Variants in PBX1 observed in about 807,000 individuals in gnomAD.
The protein encoded by PBX1 is PBX homeobox 1.
PBX1 carries 6 observed loss-of-function variants against 53.4 expected under a neutral mutation model. The observed-to-expected ratio is 0.11, with a 90% confidence interval of 0.06 to 0.22. PBX1 has a LOEUF of 0.22. PBX1 is among the 10% of genes least tolerant of loss of function. The pLI, the probability that PBX1 is intolerant of heterozygous loss-of-function variation, is 1.00. For synonymous variants in PBX1, 204 were observed against 212.3 expected (o/e 0.96, Z 0.34); for missense variants, 251 against 551.4 (o/e 0.46, Z 5.46).
chr1:164,622,646 T>A (rs1329349636), intron 2 of PBX1, among the ~76,000 whole-genome samples: 1 of 152,192 alleles, frequency 6.6e-6, no homozygotes, highest in Non-Finnish European at 1.5e-5. Context: ...AGCACTTCAT[T>A]ATCTTCTTGT....
At chr1:164,857,271 C>T (rs1671999056) in intron 2 of PBX1, among the ~76,000 whole-genome samples, 1 of 152,230 alleles carries the variant, frequency 6.6e-6, no homozygotes, top group South Asian at 2.1e-4. Flanking sequence ...ACTTTGCTTC[C>T]ATTTAGCAGT....
At chr1:164,578,823 G>C (rs1018268441) in intron 2 of PBX1, among the ~76,000 whole-genome samples, 1 of 152,160 alleles carries the variant, frequency 6.6e-6, no homozygotes, top group Non-Finnish European at 1.5e-5. Context: ...TTCTATGTTT[G>C]AGTCCTTGCA....
intron 2 of PBX1, among the ~76,000 whole-genome samples, chr1:164,691,820 C>A (rs1662505721): frequency 6.6e-6 from 1 of 152,150 alleles, no homozygotes; most frequent in Admixed American, 6.5e-5. Flanking sequence ...GCTCCCAAAT[C>A]TGAGAATTTT....
intron 2 of PBX1, chr1:164,576,835 G>A (rs1446453515): frequency 6.6e-6 from 1 of 152,298 alleles, no homozygotes; most frequent in Non-Finnish European, 1.5e-5. Context: ...GGGTGCCTGC[G>A]GTCTGTTCCC....
chr1:164,856,115 T>C (rs1361302), downstream of PBX1, among the ~76,000 whole-genome samples: 3,210 of 152,302 alleles, frequency 0.021, 134 homozygotes, highest in African/African-American at 0.071. Flanking sequence ...TTTGTCTCAA[T>C]TGGAGTCAAG....
At chr1:164,677,801 G>A (rs1661523948) in intron 2 of PBX1, among the ~76,000 whole-genome samples, 1 of 152,074 alleles carries the variant, frequency 6.6e-6, no homozygotes, top group African/African-American at 2.4e-5. Flanking sequence ...AAGGGAAGAG[G>A]GTGACAATGA....
chr1:164,636,268 G>A (rs1658773638), intron 2 of PBX1, among the ~76,000 whole-genome samples: 1 of 152,134 alleles, frequency 6.6e-6, no homozygotes, highest in African/African-American at 2.4e-5. Flanking sequence ...TAACCAAGGA[G>A]AAGGATGTTG....
Position 164,799,768 on chromosome 1 carries a change from C to T in PBX1, c.580C>T (p.Pro194Ser), listed in dbSNP as rs774100520. 6.2e-7 allele frequency: 1 copy of T among 1,614,120 alleles called. No individual in the cohort carries two copies. Among genetic ancestry groups the T allele is most frequent in the Non-Finnish European group, 8.5e-7 (1 of 1,180,012 alleles). The change falls in exon 4 of 9, where the codon CCA becomes TCA. Residue 194 changes from proline (P) to serine (S), a missense_variant. By Grantham distance (74) the Pro-to-Ser change is moderately conservative. This residue lies in a region of PBX1 where 76 missense variants were observed against 197.5 expected (regional missense o/e 0.38). Coordinates refer to ENST00000420696, the MANE Select transcript of PBX1 (RefSeq NM_002585.4). ...GCAAAGCCGGACCAGGCCCATCTCCCCAAAGGAGATTGAGCGGATGGTCAG... is the reference window on the plus strand; with the variant it reads ...GCAAAGCCGGACCAGGCCCATCTCCTCAAAGGAGATTGAGCGGATGGTCAG... ...REQSRTRPIS[P>S]KEIERMVSII... is the part of the protein sequence containing the mutation.
chr1:164,795,351 T>A (rs1301729990), intron 3 of PBX1, among the ~76,000 whole-genome samples: 1 of 152,246 alleles, frequency 6.6e-6, no homozygotes, highest in African/African-American at 2.4e-5. Context: ...TTGTCCTCTC[T>A]GTTACTTCCT....
intron 2 of PBX1, among the ~76,000 whole-genome samples, chr1:164,591,511 C>T (rs183189149): frequency 2.0e-5 from 3 of 151,484 alleles, no homozygotes; most frequent in East Asian, 1.9e-4. Context: ...TGAATGTTTA[C>T]CCTGCTTAAG....
chr1:164,736,850 CCTT>C (rs774641959), intron 2 of PBX1, among the ~76,000 whole-genome samples: 3 of 152,126 alleles, frequency 2.0e-5, no homozygotes, highest in African/African-American at 7.2e-5. Context: ...TACTTCTAGT[CCTT>C]CTTTAAATGA....
At chr1:164,826,641 G>A (rs1020422489) in intron 8 of PBX1, among the ~76,000 whole-genome samples, 6 of 152,138 alleles carry the variant, frequency 3.9e-5, no homozygotes, top group African/African-American at 1.2e-4. Flanking sequence ...CTGACCTCAA[G>A]TGATCCTCCT....
intron 2 of PBX1, among the ~76,000 whole-genome samples, chr1:164,672,134 A>C (rs1180188202): frequency 6.6e-6 from 1 of 151,214 alleles, no homozygotes; most frequent in African/African-American, 2.4e-5. Context: ...GTATACGAAC[A>C]GTCATGGAGA....
intron 2 of PBX1, among the ~76,000 whole-genome samples, chr1:164,623,463 T>G (rs1657825157): frequency 6.6e-6 from 1 of 152,250 alleles, no homozygotes. Context: ...TTAAAGCTTC[T>G]TCTGCTTAGA....
intron 4 of PBX1, among the ~76,000 whole-genome samples, chr1:164,807,073 A>G (rs1478034865): frequency 6.6e-6 from 1 of 152,178 alleles, no homozygotes; most frequent in East Asian, 1.9e-4. Context: ...CCTGGCCAAT[A>G]TGATGAAACC....
At chr1:164,762,654 T>C (rs1260932957) in intron 2 of PBX1, among the ~76,000 whole-genome samples, 1 of 152,222 alleles carries the variant, frequency 6.6e-6, no homozygotes, top group East Asian at 1.9e-4. Context: ...ATGATATTCG[T>C]TGAGCAATTT....
At chr1:164,857,846 A>T (rs780927027) in intron 2 of PBX1, among the ~76,000 whole-genome samples, 11 of 152,202 alleles carry the variant, frequency 7.2e-5, no homozygotes, top group Non-Finnish European at 1.5e-4. Flanking sequence ...TCTAGTATCT[A>T]CTTCATAGAA....
At chr1:164,587,448 C>T (rs527631970) in intron 2 of PBX1, among the ~76,000 whole-genome samples, 1 of 152,200 alleles carries the variant, frequency 6.6e-6, no homozygotes, top group African/African-American at 2.4e-5. Flanking sequence ...CTAGCACTCC[C>T]TTTTGTCGGG....
chr1:164,835,996 T>C (rs938032500), intron 8 of PBX1, among the ~76,000 whole-genome samples: 1 of 152,108 alleles, frequency 6.6e-6, no homozygotes, highest in Non-Finnish European at 1.5e-5. Context: ...GTGGAAAGTT[T>C]AGGGGGAGAT....
Sources: gnomAD v4.1 joint callset for allele counts (sites outside exome capture counted in the v4.1 genomes callset) on GRCh38, gnomAD v4.1.1 for gene constraint, gnomAD v4.1.1 regional missense constraint, MANE v1.5 for transcripts, NCBI Gene and HGNC (gene_info 2026-07-23, HGNC 2026-07-21) for gene names.